DLC1: variants seen among roughly 807,000 people sequenced by gnomAD.
The protein encoded by DLC1 is rho GTPase-activating protein 7.
In DLC1, 54 loss-of-function variants were observed where a neutral mutation model predicts 140.3. That is an observed-to-expected ratio of 0.38 (90% CI 0.31 to 0.48). The LOEUF (loss-of-function observed/expected upper bound fraction) is 0.48, where lower values mean the gene tolerates loss of function less well. DLC1 is among the 20% of genes least tolerant of loss of function. The probability of loss-of-function intolerance (pLI) is 0.96; values close to 1 mark genes in which losing one functional copy is unlikely to be tolerated. For missense variants in DLC1, 2,536 were observed against 1,907.0 expected (o/e 1.33, Z -6.14); for synonymous variants, 986 against 728.1 (o/e 1.35, Z -5.70).
intron 2 of DLC1, among the ~76,000 whole-genome samples, chr8:13,427,914 A>T (rs1838666919): frequency 6.6e-6 from 1 of 152,202 alleles, no homozygotes; most frequent in African/African-American, 2.4e-5. Flanking sequence ...ATAAAATGTT[A>T]GGCATATAGT....
At chr8:13,585,301 C>T (rs192412738) in intron 1 of DLC1, among the ~76,000 whole-genome samples, 20 of 152,200 alleles carry the variant, frequency 1.3e-4, no homozygotes, top group African/African-American at 3.4e-4. Flanking sequence ...TGGTGGCTTA[C>T]ACCTGTAATC....
At chr8:13,228,073 G>T (rs1213438066) in intron 5 of DLC1, among the ~76,000 whole-genome samples, 2 of 152,202 alleles carry the variant, frequency 1.3e-5, no homozygotes, top group Non-Finnish European at 2.9e-5. Flanking sequence ...ATGTATATCA[G>T]GGTATCCTGT....
At chr8:13,238,485 C>G (rs1416608765) in intron 5 of DLC1, among the ~76,000 whole-genome samples, 1 of 151,812 alleles carries the variant, frequency 6.6e-6, no homozygotes, top group Non-Finnish European at 1.5e-5. Flanking sequence ...TGCACTCCAG[C>G]CTGGGTGACA....
intron 2 of DLC1, among the ~76,000 whole-genome samples, chr8:13,420,869 G>A (rs966871323): frequency 7.2e-5 from 11 of 152,070 alleles, no homozygotes; most frequent in South Asian, 2.1e-4. Context: ...ATTTTAGGCC[G>A]TATGTATGAC....
At chr8:13,522,941 T>C (rs747866201) in intron 1 of DLC1, among the ~76,000 whole-genome samples, 16 of 152,128 alleles carry the variant, frequency 1.1e-4, no homozygotes, top group Non-Finnish European at 2.4e-4. Context: ...AGCGTGTGCC[T>C]GGCAGTTTCC....
chr8:13,320,032 C>A (rs1833029143), intron 4 of DLC1, among the ~76,000 whole-genome samples: 1 of 151,860 alleles, frequency 6.6e-6, no homozygotes, highest in Non-Finnish European at 1.5e-5. Flanking sequence ...CCATGCTGGC[C>A]AGCCTCCTGA....
chr8:13,338,015 A>G (rs758155479), intron 4 of DLC1, among the ~76,000 whole-genome samples: 9 of 152,202 alleles, frequency 5.9e-5, no homozygotes, highest in Non-Finnish European at 1.2e-4. Context: ...CTAGCCAGAT[A>G]GTATAGCTAG....
intron 5 of DLC1, among the ~76,000 whole-genome samples, chr8:13,287,744 G>A (rs1586074216): frequency 6.6e-6 from 1 of 152,142 alleles, no homozygotes; most frequent in Non-Finnish European, 1.5e-5. Context: ...AGACTAGATC[G>A]CCGATGATGC....
chr8:13,276,087 C>A (rs1831151641), intron 5 of DLC1, among the ~76,000 whole-genome samples: 1 of 152,194 alleles, frequency 6.6e-6, no homozygotes, highest in South Asian at 2.1e-4. Context: ...CTCAACACTC[C>A]ATCAAGGTTA....
intron 1 of DLC1, among the ~76,000 whole-genome samples, chr8:13,574,971 C>G (rs750629767): frequency 3.3e-5 from 5 of 152,196 alleles, no homozygotes; most frequent in Non-Finnish European, 5.9e-5. Context: ...TAGGTGTGAG[C>G]TCTCCCTCAA....
chr8:13,328,092 G>A (rs1238804463), intron 4 of DLC1, among the ~76,000 whole-genome samples: 1 of 152,178 alleles, frequency 6.6e-6, no homozygotes, highest in East Asian at 1.9e-4. Flanking sequence ...TGATGCTGCT[G>A]AGGCGGTCAC....
chr8:13,523,473 T>C (rs1303665329), intron 1 of DLC1, among the ~76,000 whole-genome samples: 2 of 152,188 alleles, frequency 1.3e-5, no homozygotes, highest in Admixed American at 6.5e-5. Context: ...TTTCTAGAAG[T>C]GTTAAAGAGG....
At chr8:13,382,679 T>G (rs1359355787) in intron 4 of DLC1, among the ~76,000 whole-genome samples, 1 of 152,098 alleles carries the variant, frequency 6.6e-6, no homozygotes, top group Non-Finnish European at 1.5e-5. Context: ...CAAATGTAGA[T>G]CATACTCAAG....
intron 7 of DLC1, among the ~76,000 whole-genome samples, chr8:13,109,457 T>A (rs62489160): frequency 1.6e-4 from 25 of 151,810 alleles, no homozygotes; most frequent in Non-Finnish European, 1.5e-4. Context: ...CTCCAGAGGC[T>A]GAAGTGGGAG....
At chr8:13,135,477 G>A (rs557679587) in intron 5 of DLC1, among the ~76,000 whole-genome samples, 2 of 152,086 alleles carry the variant, frequency 1.3e-5, no homozygotes, top group African/African-American at 4.8e-5. Context: ...CACCGCGCCC[G>A]GTCGAGAAGC....
intron 1 of DLC1, among the ~76,000 whole-genome samples, chr8:13,524,818 T>A (rs1199427827): frequency 6.6e-6 from 1 of 152,168 alleles, no homozygotes; most frequent in Non-Finnish European, 1.5e-5. Context: ...CTCTTATGTA[T>A]TTTACCAGGT....
chr8:13,555,110 C>G (rs1292312686), intron 1 of DLC1, among the ~76,000 whole-genome samples: 1 of 152,232 alleles, frequency 6.6e-6, no homozygotes, highest in East Asian at 1.9e-4. Context: ...CATTCCTTTA[C>G]TTCCTTCACT....
chr8:13,581,494 G>T (rs1051037699), intron 1 of DLC1, among the ~76,000 whole-genome samples: 1 of 152,154 alleles, frequency 6.6e-6, no homozygotes, highest in African/African-American at 2.4e-5. Context: ...TTTCTCTGAT[G>T]TACTATGTCC....
At chr8:13,166,963 T>C (rs547307746) in intron 5 of DLC1, among the ~76,000 whole-genome samples, 1 of 152,232 alleles carries the variant, frequency 6.6e-6, no homozygotes, top group African/African-American at 2.4e-5. Flanking sequence ...CCCATTTCCC[T>C]ATGATGAAAA....
Sources: allele counts gnomAD v4.1 joint callset (sites outside exome capture counted in the v4.1 genomes callset), GRCh38; gene constraint gnomAD v4.1.1; transcripts MANE v1.5; gene names NCBI Gene and HGNC (gene_info 2026-07-23, HGNC 2026-07-21).